Variants in FMN2 observed in about 807,000 individuals in gnomAD.
FMN2 encodes formin-2.
A neutral mutation model predicts 142.3 loss-of-function variants in FMN2; 51 were observed. That is an observed-to-expected ratio of 0.36 (90% CI 0.29 to 0.45). The LOEUF is 0.45. FMN2 is among the 20% of genes least tolerant of loss of function. FMN2 has a pLI of 1.00. For synonymous variants in FMN2, 882 were observed against 869.8 expected, an observed-to-expected ratio of 1.01 and a Z score of -0.25; for missense variants, 1,936 against 2,122.8, an observed-to-expected ratio of 0.91 and a Z score of 1.73.
intron 2 of FMN2, among the ~76,000 whole-genome samples, chr1:240,159,974 T>TACACAC (rs1185408892): frequency 1.2e-4 from 16 of 134,054 alleles, no homozygotes; most frequent in South Asian, 2.4e-4. Flanking sequence ...TATATATATA[T>TACACAC]ACACACACAC....
chr1:240,286,239 C>T (rs1302427237), intron 7 of FMN2, among the ~76,000 whole-genome samples: 4 of 152,120 alleles, frequency 2.6e-5, no homozygotes, highest in African/African-American at 9.7e-5. Flanking sequence ...CTTTTGTATT[C>T]AACATGCAGT....
At chr1:240,261,875 T>G (rs1668646291) in intron 7 of FMN2, among the ~76,000 whole-genome samples, 1 of 152,140 alleles carries the variant, frequency 6.6e-6, no homozygotes, top group Non-Finnish European at 1.5e-5. Context: ...TGAAAAAATC[T>G]CACCCTGTGG....
chr1:240,111,155 T>A, intron 1 of FMN2, among the ~76,000 whole-genome samples: 1 of 152,158 alleles, frequency 6.6e-6, no homozygotes. Context: ...TCCTCGGAGG[T>A]AATGAGGATG....
chr1:240,275,165 G>T (rs187774411), intron 7 of FMN2, among the ~76,000 whole-genome samples: 5 of 150,408 alleles, frequency 3.3e-5, no homozygotes, highest in Admixed American at 3.3e-4. Context: ...AGGTATACAC[G>T]TGCCATGGTG....
rs149465557 is a variant in FMN2 at position 240,101,510 on chromosome 1, G to A, written c.1615+7786G>A. On this transcript the variant is annotated intron_variant, in intron 1 of 17. Coordinates refer to ENST00000319653, the MANE Select transcript of FMN2 (RefSeq NM_020066.5). ...TAGGACCGTGTGTGTGTGTGTGTATGTGTGTGTGTGCCTGTGTGTCTGTGT... is the reference window on the plus strand; with the variant it reads ...TAGGACCGTGTGTGTGTGTGTGTATATGTGTGTGTGCCTGTGTGTCTGTGT... Among the ~76,000 whole-genome samples, 699 of 150,508 alleles carry A rather than the reference G, an allele frequency of 4.6e-3. 10 individuals are homozygous for A. The highest frequency in any genetic ancestry group is 0.016 in the African/African-American group (671 of 41,324).
At chr1:240,436,880 C>T (rs578011544) in intron 15 of FMN2, among the ~76,000 whole-genome samples, 1 of 152,200 alleles carries the variant, frequency 6.6e-6, no homozygotes, top group South Asian at 2.1e-4. Context: ...GTAGATCAAA[C>T]TTGAGTTTTT....
intron 4 of FMN2, among the ~76,000 whole-genome samples, chr1:240,202,496 ATTG>A (rs1045091458): frequency 3.3e-5 from 5 of 152,008 alleles, no homozygotes; most frequent in African/African-American, 9.6e-5. Flanking sequence ...TTTTATTACT[ATTG>A]TTGTTTTTTA....
intron 16 of FMN2, among the ~76,000 whole-genome samples, chr1:240,440,158 C>T (rs543501452): frequency 6.6e-6 from 1 of 152,238 alleles, no homozygotes; most frequent in East Asian, 1.9e-4. Flanking sequence ...TTGGTCCTGT[C>T]GTGGAGGTCC....
At chr1:240,268,391 G>T (rs1239653604) in intron 7 of FMN2, among the ~76,000 whole-genome samples, 2 of 152,048 alleles carry the variant, frequency 1.3e-5, no homozygotes, top group Non-Finnish European at 2.9e-5. Context: ...ATGACTACAT[G>T]TTTGGACTGT....
At chr1:240,443,657 G>T (rs1427476022) in intron 16 of FMN2, among the ~76,000 whole-genome samples, 1 of 152,150 alleles carries the variant, frequency 6.6e-6, no homozygotes, top group Non-Finnish European at 1.5e-5. Context: ...GGAGGCTGAG[G>T]CAGAAGAATT....
At chr1:240,294,928 A>T (rs746620563) in intron 8 of FMN2, 45 bp downstream of exon 8, 8 of 1,479,444 alleles carry the variant, frequency 5.4e-6, no homozygotes, top group Non-Finnish European at 7.6e-6. Context: ...TAATATGTAC[A>T]CAGTACATGT....
At position 240,475,159 on chromosome 1, in the gene FMN2, A is replaced by T. The variant is rs1676936989; in HGVS notation, c.*1005A>T. 1 of 152,590 alleles carries T rather than the reference A, an allele frequency of 6.6e-6. No individual in the cohort carries two copies. The highest frequency in any genetic ancestry group is 2.4e-5 in the African/African-American group (1 of 41,428). 9.5% of individuals were successfully genotyped at this position (152,590 alleles called of 1,614,324 possible). A position where few individuals can be genotyped will look rare whatever the true frequency, so the allele number is the denominator to read the frequency against. Reference sequence around the variant, plus strand: ...GTTAATTTATATGAAAATAAAATGAATAATAAAAGAATAAAGATACTTGCA... The same window carrying T: ...GTTAATTTATATGAAAATAAAATGATTAATAAAAGAATAAAGATACTTGCA... On this transcript the variant is annotated 3_prime_UTR_variant, in exon 18 of 18. Coordinates refer to ENST00000319653, the MANE Select transcript of FMN2 (RefSeq NM_020066.5).
intron 8 of FMN2, among the ~76,000 whole-genome samples, chr1:240,296,667 G>T (rs1319477928): frequency 7.1e-6 from 1 of 141,704 alleles, no homozygotes. Flanking sequence ...CCACTCTTGA[G>T]TTTGGTTTTT....
At chr1:240,190,248 T>G (rs764032525) in intron 4 of FMN2, among the ~76,000 whole-genome samples, 1 of 152,220 alleles carries the variant, frequency 6.6e-6, no homozygotes, top group Non-Finnish European at 1.5e-5. Flanking sequence ...CATCTTATCC[T>G]TGTTGACAGT....
intron 15 of FMN2, among the ~76,000 whole-genome samples, chr1:240,435,558 A>G (rs1675338319): frequency 6.6e-6 from 1 of 152,118 alleles, no homozygotes; most frequent in African/African-American, 2.4e-5. Context: ...AATATAAAAT[A>G]CATTTGTTTT....
In FMN2 at chr1:240,319,321, A is replaced by G. The variant is rs1220572631; in HGVS notation, c.4216-9755A>G. 2.6e-5 allele frequency among the ~76,000 whole-genome samples: 4 copies of G among 152,312 alleles called. No individual in the cohort carries two copies. In the East Asian group the frequency reaches 5.8e-4, roughly 22 times the overall value. ...GCTACATTATGAAATTGGAGAGAAA[A>G]TGAATAAAGGAACTCGTAGAAGTTT... On this transcript the variant is annotated intron_variant, in intron 8 of 17. Coordinates refer to ENST00000319653, the MANE Select transcript of FMN2 (RefSeq NM_020066.5).
At chr1:240,165,671 G>A (rs1664452695) in intron 2 of FMN2, among the ~76,000 whole-genome samples, 1 of 149,446 alleles carries the variant, frequency 6.7e-6, no homozygotes, top group Non-Finnish European at 1.5e-5. Context: ...TGCTTAGTTT[G>A]ATCTCATCTT....
At chr1:240,407,697 A>T (rs1041499344) in intron 15 of FMN2, among the ~76,000 whole-genome samples, 18 of 152,170 alleles carry the variant, frequency 1.2e-4, no homozygotes, top group African/African-American at 4.1e-4. Context: ...GCATTCTTCT[A>T]CCTTTCAAAC....
chr1:240,216,107 C>T (rs1217176055), intron 6 of FMN2, among the ~76,000 whole-genome samples: 3 of 152,170 alleles, frequency 2.0e-5, no homozygotes, highest in Admixed American at 6.5e-5. Context: ...GATTTAAATA[C>T]ATAAGCTTCC....
Sources: gnomAD v4.1 joint callset for allele counts (sites outside exome capture counted in the v4.1 genomes callset) on GRCh38, gnomAD v4.1.1 for gene constraint, MANE v1.5 for transcripts, NCBI Gene and HGNC (gene_info 2026-07-23, HGNC 2026-07-21) for gene names.